The following NFYC variants were observed in gnomAD, a reference collection of about 807,000 sequenced individuals.
NFYC encodes CAAT box DNA-binding protein subunit C.
NFYC carries 25 observed loss-of-function variants against 53.1 expected under a neutral mutation model. The observed-to-expected ratio is 0.47, with a 90% CI of 0.34 to 0.66. The LOEUF (loss-of-function observed/expected upper bound fraction) is 0.66. Ranked by LOEUF, NFYC falls within the 30% of genes least tolerant of loss-of-function variation. The probability of loss-of-function intolerance (pLI) is 0.01; values close to 1 mark genes in which losing one functional copy is unlikely to be tolerated. For synonymous variants in NFYC, 145 were observed against 152.6 expected, an observed-to-expected ratio of 0.95 and a Z score of 0.37; for missense variants, 260 against 422.7, an observed-to-expected ratio of 0.62 and a Z score of 3.38.
At chr1:40,764,304 A>T (rs756501934) in intron 7 of NFYC, among the ~76,000 whole-genome samples, 1 of 152,180 alleles carries the variant, frequency 6.6e-6, no homozygotes, top group Non-Finnish European at 1.5e-5. Flanking sequence ...GTATCCTGAG[A>T]TCAGTTTAGG....
chr1:40,733,166 G>A (rs950802176), intron 1 of NFYC, among the ~76,000 whole-genome samples: 1 of 151,970 alleles, frequency 6.6e-6, no homozygotes, highest in African/African-American at 2.4e-5. Context: ...AGCTTGTATA[G>A]CAGGAGGGGA....
At chr1:40,763,508 G>A (rs4660455) in intron 7 of NFYC, 366,524 of 415,468 alleles carry the variant, frequency 0.88, 161,937 homozygotes, top group East Asian at 0.98. Flanking sequence ...CACTATGCCC[G>A]GCTGATTTTT....
chr1:40,742,181 G>T (rs1303175067), intron 2 of NFYC, among the ~76,000 whole-genome samples: 1 of 150,770 alleles, frequency 6.6e-6, no homozygotes, highest in African/African-American at 2.4e-5. Flanking sequence ...AAAGCACTGG[G>T]ATTACAGACA....
intron 1 of NFYC, among the ~76,000 whole-genome samples, chr1:40,703,480 T>TAAAA (rs57102599): frequency 4.1e-5 from 4 of 97,738 alleles, no homozygotes; most frequent in African/African-American, 4.5e-5. Context: ...CAATTAGCCC[T>TAAAA]AAAAAAAAAA....
rs534207471 is a variant in NFYC, at chr1:40,721,967, G to A, written c.-8-16869G>A. On this transcript the variant is annotated intron_variant, in intron 1 of 9. Transcript: ENST00000447388. ...GGGCGGATCAGGAGGTCAGGAGATG[G>A]AGACCATCCTGGCTAACACGGTGAA... 2.7e-3 allele frequency among the ~76,000 whole-genome samples: 416 copies of A among 152,134 alleles called. 2 individuals carry two copies. Among genetic ancestry groups the A allele is most frequent in the African/African-American group, 9.5e-3 (393 of 41,572 alleles).
intron 3 of NFYC, 76 bp from the exon 4 acceptor site, chr1:40,749,497 C>T: frequency 8.7e-7 from 1 of 1,147,540 alleles, no homozygotes; most frequent in Non-Finnish European, 1.3e-6. Context: ...AGTCCCATGC[C>T]AGGCAATGAG....
At chr1:40,768,531 A>T (rs1183641805) in intron 8 of NFYC, 3 of 152,220 alleles carry the variant, frequency 2.0e-5, no homozygotes, top group Admixed American at 6.5e-5. Context: ...GGCTGTGATG[A>T]TTCCAGGAAA....
chr1:40,763,084 A>C lies in NFYC; in HGVS notation c.720+38A>C, dbSNP rs928401257. 11 of 1,506,842 alleles carry C rather than the reference A, an allele frequency of 7.3e-6. No homozygotes were observed. The Middle Eastern group carries it at 5.3e-4, about 73-fold the overall frequency. The allele number at this position is 1,506,842 out of a possible 1,614,324, so 93.3% of individuals were successfully genotyped here. ...CTGAGGTCTGTCTTTACAACTTTAT[A>C]GAAGGAAATACTTAAAGATATATAT... On this transcript the variant is annotated intron_variant, in intron 7 of 9. Coordinates refer to ENST00000447388, the MANE Select transcript of NFYC (RefSeq NM_014223.5).
chr1:40,742,215 C>CTTT (rs879874907), intron 2 of NFYC, among the ~76,000 whole-genome samples: 2 of 144,124 alleles, frequency 1.4e-5, no homozygotes. Context: ...CTGGCCTATC[C>CTTT]TTTTTTTTTT....
chr1:40,698,692 G>T (rs999827846), intron 1 of NFYC, among the ~76,000 whole-genome samples: 1 of 151,864 alleles, frequency 6.6e-6, no homozygotes, highest in Admixed American at 6.6e-5. Context: ...CCTCCACTGC[G>T]CCCAGCCTGA....
intron 1 of NFYC, among the ~76,000 whole-genome samples, chr1:40,726,980 T>C (rs946368337): frequency 1.2e-4 from 19 of 152,318 alleles, no homozygotes; most frequent in African/African-American, 4.3e-4. Context: ...AAGAAGCAAC[T>C]CCTCATCTGT....
intron 2 of NFYC, among the ~76,000 whole-genome samples, chr1:40,746,016 G>T (rs1357135062): frequency 6.6e-6 from 1 of 152,040 alleles, no homozygotes; most frequent in African/African-American, 2.4e-5. Context: ...GCCTACATGT[G>T]TATTTTTTGC....
intron 7 of NFYC, among the ~76,000 whole-genome samples, chr1:40,765,432 A>C (rs1188015208): frequency 6.6e-6 from 1 of 152,220 alleles, no homozygotes; most frequent in Non-Finnish European, 1.5e-5. Flanking sequence ...AAGCATTTTG[A>C]TTGAACACTG....
intron 1 of NFYC, among the ~76,000 whole-genome samples, chr1:40,734,308 G>A (rs557289843): frequency 2.0e-5 from 3 of 152,018 alleles, no homozygotes; most frequent in African/African-American, 7.2e-5. Context: ...TGCAATTAAT[G>A]CATTAAAATA....
chr1:40,739,984 T>TG (rs1178193468), intron 2 of NFYC, among the ~76,000 whole-genome samples: 1 of 152,108 alleles, frequency 6.6e-6, no homozygotes, highest in Non-Finnish European at 1.5e-5. Context: ...TAGTGGAGGT[T>TG]GAGGGAAGGA....
intron 5 of NFYC, among the ~76,000 whole-genome samples, chr1:40,756,486 G>A (rs116112475): frequency 1.2e-4 from 19 of 152,260 alleles, no homozygotes; most frequent in Non-Finnish European, 2.1e-4. Flanking sequence ...GTAGATGGCT[G>A]TCAAGTAACC....
At chr1:40,754,299 C>T (rs1310623515) in intron 5 of NFYC, 15 of 533,780 alleles carry the variant, frequency 2.8e-5, no homozygotes, top group South Asian at 9.8e-5. Context: ...ATTAGCAAGC[C>T]CTCTGTCACC....
intron 8 of NFYC, chr1:40,766,956 C>A (rs1033471196): frequency 6.4e-7 from 1 of 1,552,006 alleles, no homozygotes; most frequent in Non-Finnish European, 8.7e-7. Flanking sequence ...CTCGAAGGTG[C>A]CTGAAAGAAA....
At chr1:40,753,293 G>A (rs1282709067) in intron 5 of NFYC, 47 bp downstream of exon 5, 2 of 1,295,966 alleles carry the variant, frequency 1.5e-6, no homozygotes, top group African/African-American at 1.5e-5. Flanking sequence ...AGAGCGCTTT[G>A]TATACTGGTG....
Sources: gnomAD v4.1 joint callset for allele counts (sites outside exome capture counted in the v4.1 genomes callset) on GRCh38, gnomAD v4.1.1 for gene constraint, MANE v1.5 for transcripts, NCBI Gene and HGNC (gene_info 2026-07-23, HGNC 2026-07-21) for gene names.